TMF1: variants seen among roughly 807,000 people sequenced by gnomAD.
TMF1 encodes the protein TATA element modulatory factor.
A neutral mutation model predicts 126.5 loss-of-function variants in TMF1; 71 were observed. That is an observed-to-expected ratio of 0.56 (90% confidence interval 0.46 to 0.68). The LOEUF (loss-of-function observed/expected upper bound fraction) is 0.68. Among genes scored for constraint, TMF1 ranks in the 30% least tolerant of loss-of-function variants. The pLI, the probability that TMF1 is intolerant of heterozygous loss-of-function variation, is 0.00. For missense variants in TMF1, 1,259 were observed against 1,253.2 expected (o/e 1.00, Z -0.07); for synonymous variants, 461 against 430.5 (o/e 1.07, Z -0.88).
intron 4 of TMF1, among the ~76,000 whole-genome samples, chr3:69,043,149 GAATA>G (rs1439602296): frequency 2.0e-5 from 3 of 152,046 alleles, no homozygotes; most frequent in African/African-American, 7.2e-5. Flanking sequence ...ATATAAATGA[GAATA>G]AATTAACTTT....
In TMF1 at chr3:69,038,658, A is replaced by T. The variant is rs376963978; in HGVS notation, c.2057T>A (p.Leu686Gln). The T allele has an allele frequency of 1.2e-6, 2 of 1,614,118 alleles. No individual in the cohort carries two copies. The highest frequency in any genetic ancestry group is 2.7e-5 in the African/African-American group (2 of 74,942). ...AKDSEAQEAALSREMKAKEEL... is the reference protein window; with the variant it reads ...AKDSEAQEAAQSREMKAKEEL... ...TTCTTTAGCTTTCATTTCACGGCTC[A>T]GAGCAGCTTCCTGTGCCTCACTATC... is the stretch of plus-strand genomic sequence containing the variant. The change falls in exon 8 of 17, where the codon CTG becomes CAG. Residue 686 changes from leucine to glutamine, a missense_variant. Physicochemically the swap from Leu to Gln is moderately radical, Grantham distance 113. Transcript: ENST00000398559.
At chr3:69,041,157 C>G (rs1311793538) in intron 5 of TMF1, among the ~76,000 whole-genome samples, 1 of 151,960 alleles carries the variant, frequency 6.6e-6, no homozygotes, top group Non-Finnish European at 1.5e-5. Flanking sequence ...ATAAGAAAAC[C>G]ATGCAGTTAG....
intron 13 of TMF1, among the ~76,000 whole-genome samples, chr3:69,026,406 G>C (rs1163898274): frequency 6.6e-6 from 1 of 152,084 alleles, no homozygotes; most frequent in African/African-American, 2.4e-5. Flanking sequence ...AGACCAACTT[G>C]ACTAACATGG....
In TMF1 at chr3:69,048,111, T is replaced by C; in HGVS notation, c.594A>G (p.Glu198=). Residue 198 remains glutamate, a synonymous_variant, in exon 2 of 17, where the codon GAA becomes GAG. Coordinates refer to ENST00000398559, the MANE Select transcript of TMF1 (RefSeq NM_007114.3). ...TAGTTGTTTTCACATCAATTACACT[T>C]TCAGATACTTTCAAACTTACAGTTG... ...KVPTVSLKVS[E]SVIDVKTTME... is the part of the protein sequence containing the mutation. The C allele has an allele frequency of 1.2e-6, 2 of 1,614,198 alleles. No homozygotes were observed. The highest frequency in any genetic ancestry group is 2.7e-5 in the African/African-American group (2 of 75,052).
chr3:69,028,201 G>T, intron 12 of TMF1, 25 bp downstream of exon 12: 2 of 1,589,480 alleles, frequency 1.3e-6, no homozygotes, highest in Non-Finnish European at 1.7e-6. Flanking sequence ...TGCCCTAAGA[G>T]CTGAGTGGTC....
rs1394777988 is a variant in TMF1, at chr3:69,024,185, G to A, written c.3013-5C>T. 4 of 1,596,010 alleles carry A rather than the reference G, an allele frequency of 2.5e-6. No homozygotes were observed. Among genetic ancestry groups the A allele is most frequent in the Admixed American group, 1.7e-5 (1 of 57,190 alleles). ...TTCTAGATTGCCAATTTCTAGCTGA[G>A]AAGCATTACCACAAAATAGTTTAAA... On this transcript the variant is annotated splice_region_variant and splice_polypyrimidine_tract_variant and intron_variant, in intron 15 of 16. Transcript: ENST00000398559.
intron 8 of TMF1, among the ~76,000 whole-genome samples, chr3:69,037,939 C>G (rs1177469052): frequency 1.3e-5 from 2 of 152,096 alleles, no homozygotes; most frequent in Non-Finnish European, 2.9e-5. Flanking sequence ...AAACTGAAAC[C>G]CTCACCTATT....
chr3:69,049,899 G>A (rs1305194290), intron 1 of TMF1, among the ~76,000 whole-genome samples: 2 of 152,174 alleles, frequency 1.3e-5, no homozygotes, highest in South Asian at 2.1e-4. Context: ...TTAGAAGTTG[G>A]TGGAGAGAGC....
rs755728031 is a variant in TMF1 at position 69,028,345 on chromosome 3, G to C, written c.2595-50C>G. 34 of 1,284,138 alleles carry C rather than the reference G, an allele frequency of 2.6e-5. No individual in the cohort carries two copies. The Middle Eastern group carries it at 9.5e-4, about 36-fold the overall frequency. 79.5% of individuals were successfully genotyped at this position (1,284,138 alleles called of 1,614,324 possible). A position where few individuals can be genotyped will look rare whatever the true frequency, so the allele number is the denominator to read the frequency against. The stretch of plus-strand genomic sequence containing the variant: ...AAAACAGAAAATGAAAAAGATGCTA[G>C]TATAGACTATTAAAAACTCAGTACT... On this transcript the variant is annotated intron_variant, in intron 11 of 16. Transcript: ENST00000398559.
Position 69,025,420 on chromosome 3 carries a change from T to A in TMF1, c.3012+140A>T, listed in dbSNP as rs1438940455. ...CTTTTTAGCCTTTATCATTGATATATGTGATACATTTTGGGCTTCACATGC... is the reference window on the plus strand; with the variant it reads ...CTTTTTAGCCTTTATCATTGATATAAGTGATACATTTTGGGCTTCACATGC... On this transcript the variant is annotated intron_variant, in intron 15 of 16. Coordinates refer to ENST00000398559, the MANE Select transcript of TMF1 (RefSeq NM_007114.3). 7 of 709,212 alleles carry A rather than the reference T, an allele frequency of 9.9e-6. No homozygotes were observed. The African/African-American group carries it at 1.1e-4, about 11-fold the overall frequency. The allele number at this position is 709,212 out of a possible 1,614,324, so 43.9% of individuals were successfully genotyped here.
In TMF1 at chr3:69,048,216, A is replaced by T; in HGVS notation, c.489T>A (p.Thr163=). Residue 163 remains threonine, a synonymous_variant, in exon 2 of 17, where the codon ACT becomes ACA. Transcript: ENST00000398559. ...KDSSLCVSGE[T]LAAGTSSPKT... Reference sequence around the variant, plus strand: ...TAGGTGATGAAGTACCTGCTGCCAGAGTTTCCCCTGAAACACACAAAGAAG... The same window carrying T: ...TAGGTGATGAAGTACCTGCTGCCAGTGTTTCCCCTGAAACACACAAAGAAG... 9.9e-6 allele frequency: 16 copies of T among 1,614,206 alleles called. No individual in the cohort carries two copies. Among genetic ancestry groups the T allele is most frequent in the Non-Finnish European group, 1.3e-5 (15 of 1,180,030 alleles).
At chr3:69,039,429 T>C (rs563841067) in intron 6 of TMF1, 122 bp downstream of exon 6, 6 of 1,139,062 alleles carry the variant, frequency 5.3e-6, no homozygotes, top group African/African-American at 3.2e-5. Context: ...ATCTATTGTT[T>C]GAAAAATCCT....
At chr3:69,024,421 ATTTG>A (rs1262545299) in intron 15 of TMF1, 1 of 132,994 alleles carries the variant, frequency 7.5e-6, no homozygotes, top group East Asian at 2.8e-4. Flanking sequence ...AAATCCAATT[ATTTG>A]TTTGAAAACA....
rs2091738665 is a variant in TMF1 at position 69,021,687 on chromosome 3, T to G, written c.*1490A>C. On this transcript the variant is annotated 3_prime_UTR_variant, in exon 17 of 17. Coordinates refer to ENST00000398559, the MANE Select transcript of TMF1 (RefSeq NM_007114.3). ...AACTAAAAATTAAATAAGAGTTTGT[T>G]TTTTTTTTTTTGAGACGGAGTCTTT... 6.7e-6 allele frequency: 1 copy of G among 150,074 alleles called. No individual in the cohort carries two copies. The highest frequency in any genetic ancestry group is 2.4e-5 in the African/African-American group (1 of 41,086). 9.3% of individuals were successfully genotyped at this position (150,074 alleles called of 1,614,324 possible). A position where few individuals can be genotyped will look rare whatever the true frequency, so the allele number is the denominator to read the frequency against.
chr3:69,030,775 G>A (rs747839610), intron 10 of TMF1: 1 of 152,108 alleles, frequency 6.6e-6, no homozygotes, highest in Non-Finnish European at 1.5e-5. Flanking sequence ...AGAAAAAACA[G>A]GGACGACATA....
rs1295853700 is a variant in TMF1, at chr3:69,020,551, AAAATAT to A, written c.*2620_*2625del. On this transcript the variant is annotated 3_prime_UTR_variant, in exon 17 of 17. Transcript: ENST00000398559. ...ATTGCAAATCATTTTCCTATCCATT[AAAATAT>A]AAATATTATTTTGCAAGAATATGGG... 3.9e-5 allele frequency: 6 copies of A among 152,314 alleles called. No individual in the cohort carries two copies. Among genetic ancestry groups the A allele is most frequent in the African/African-American group, 1.4e-4 (6 of 41,588 alleles). The allele number at this position is 152,314 out of a possible 1,614,324, so 9.4% of individuals were successfully genotyped here.
chr3:69,045,952 C>T (rs1310850495), intron 2 of TMF1, among the ~76,000 whole-genome samples: 1 of 151,464 alleles, frequency 6.6e-6, no homozygotes, highest in African/African-American at 2.4e-5. Flanking sequence ...GCTACTAGAG[C>T]GGATTAGGTG....
chr3:69,042,283 C>A, intron 5 of TMF1: 1 of 452,252 alleles, frequency 2.2e-6, no homozygotes, highest in Non-Finnish European at 4.4e-6. Flanking sequence ...AATGATCCAC[C>A]CACCTCTGCC....
chr3:69,024,271 T>G (rs1466105888), intron 15 of TMF1, 91 bp from the exon 16 acceptor site: 84 of 866,058 alleles, frequency 9.7e-5, no homozygotes, highest in African/African-American at 9.5e-4. Context: ...GTGTGTGGTT[T>G]TTTTTTTTTT....
Sources: gnomAD v4.1 joint callset for allele counts (sites outside exome capture counted in the v4.1 genomes callset) on GRCh38, gnomAD v4.1.1 for gene constraint, MANE v1.5 for transcripts, NCBI Gene and HGNC (gene_info 2026-07-23, HGNC 2026-07-21) for gene names.